KIAA2012: variants seen among roughly 807,000 people sequenced by gnomAD.
The protein encoded by KIAA2012 is KIAA2012.
A neutral mutation model predicts 150.6 loss-of-function variants in KIAA2012; 125 were observed. The observed-to-expected ratio is 0.83, with a 90% CI of 0.72 to 0.96. KIAA2012 has a LOEUF of 0.96. KIAA2012 is among the 40% of genes least tolerant of loss of function. The pLI is 0.00. For missense variants in KIAA2012, 1,219 were observed against 1,354.9 expected (o/e 0.90, Z 1.57); for synonymous variants, 462 against 504.7 (o/e 0.92, Z 1.13).
intron 15 of KIAA2012, among the ~76,000 whole-genome samples, chr2:202,181,808 T>TA (rs1476117930): frequency 6.6e-6 from 1 of 152,202 alleles, no homozygotes; most frequent in Non-Finnish European, 1.5e-5. Flanking sequence ...GTGCTGGCAC[T>TA]GGTTTAGGCA....
chr2:202,113,684 G>A, intron 11 of KIAA2012: 1 of 505,184 alleles, frequency 2.0e-6, no homozygotes, highest in South Asian at 2.3e-5. Context: ...CAGTGGAATG[G>A]CTTGGAAGAG....
intron 13 of KIAA2012, among the ~76,000 whole-genome samples, chr2:202,146,675 T>A (rs1691309577): frequency 6.7e-6 from 1 of 149,044 alleles, no homozygotes; most frequent in Non-Finnish European, 1.5e-5. Context: ...GGTGCATATC[T>A]GTAGTCCCAG....
intron 13 of KIAA2012, among the ~76,000 whole-genome samples, chr2:202,151,116 G>T (rs2105950586): frequency 6.6e-6 from 1 of 152,222 alleles, no homozygotes; most frequent in African/African-American, 2.4e-5. Flanking sequence ...AGACCACAGG[G>T]CCAGGCACGG....
In KIAA2012 at chr2:202,105,784, C is replaced by G. The variant is rs1232250082; in HGVS notation, c.1348C>G (p.Pro450Ala). 1.9e-6 allele frequency: 3 copies of G among 1,550,592 alleles called. No homozygotes were observed. Among genetic ancestry groups the G allele is most frequent in the Non-Finnish European group, 1.7e-6 (2 of 1,146,990 alleles). ...AGGTGCTCCACACCCTGAGTCAGAACCAGAAAGCAGCGAAGAATCCACACC... is the reference window on the plus strand; with the variant it reads ...AGGTGCTCCACACCCTGAGTCAGAAGCAGAAAGCAGCGAAGAATCCACACC... ...RRGAPHPESE[P>A]ESSEESTPVW... Residue 450 changes from proline to alanine, a missense_variant, in exon 9 of 24, where the codon CCA (proline) becomes GCA (alanine). Transcript: ENST00000498697.
chr2:202,150,877 T>C (rs1691413073), intron 13 of KIAA2012, among the ~76,000 whole-genome samples: 2 of 152,212 alleles, frequency 1.3e-5, no homozygotes, highest in Admixed American at 1.3e-4. Context: ...TTTTCTTCTC[T>C]CTCCTGTACC....
chr2:202,093,462 A>T (rs1689785607), intron 4 of KIAA2012, among the ~76,000 whole-genome samples: 3 of 152,188 alleles, frequency 2.0e-5, no homozygotes, highest in Admixed American at 2.0e-4. Context: ...TGAGCTTTTT[A>T]TTTTATATTA....
intron 15 of KIAA2012, among the ~76,000 whole-genome samples, chr2:202,183,482 T>TTC: frequency 6.8e-6 from 1 of 146,612 alleles, no homozygotes; most frequent in Non-Finnish European, 1.5e-5. Context: ...TTAAATTTTT[T>TTC]TTTTTTTTTT....
chr2:202,092,693 T>TA (rs1209247468), intron 3 of KIAA2012, among the ~76,000 whole-genome samples: 1 of 152,094 alleles, frequency 6.6e-6, no homozygotes, highest in Non-Finnish European at 1.5e-5. Flanking sequence ...GCAAATAGGA[T>TA]ACATCCACTA....
rs1284500701 is a variant in KIAA2012 at position 202,100,386 on chromosome 2, C to G, written c.1092C>G (p.Phe364Leu). 4 of 1,550,496 alleles carry G rather than the reference C, an allele frequency of 2.6e-6. No individual in the cohort carries two copies. In the Admixed American group the frequency reaches 5.9e-5, roughly 23 times the overall value. ...TGCTTCCTGCTGAAAGAAGCCTCTT[C>G]CCTCCTGTAGCATCTGCCACTGGCT... is the stretch of plus-strand genomic sequence containing the variant. ...LQVLPAERSL[F>L]PPVASATGSR... The change falls in exon 7 of 24, where the codon TTC becomes TTG. Residue 364 changes from phenylalanine (F) to leucine (L), a missense_variant. Transcript: ENST00000498697.
chr2:202,167,816 C>G (rs1691803447), intron 15 of KIAA2012, among the ~76,000 whole-genome samples: 2 of 151,850 alleles, frequency 1.3e-5, no homozygotes. Flanking sequence ...TGCACTCCAG[C>G]CTGGATGACA....
chr2:202,195,554 CTT>C (rs1692398106), intron 21 of KIAA2012, among the ~76,000 whole-genome samples: 1 of 151,904 alleles, frequency 6.6e-6, no homozygotes, highest in Non-Finnish European at 1.5e-5. Flanking sequence ...AAACTGCACT[CTT>C]ATAGCTATTT....
intron 18 of KIAA2012, among the ~76,000 whole-genome samples, chr2:202,189,060 T>C (rs1315263568): frequency 1.3e-5 from 2 of 152,200 alleles, no homozygotes; most frequent in Non-Finnish European, 1.5e-5. Context: ...TGAATTTACA[T>C]TTTTGTAGCC....
At chr2:202,082,568 C>T (rs1389811789) in intron 2 of KIAA2012, among the ~76,000 whole-genome samples, 1 of 149,974 alleles carries the variant, frequency 6.7e-6, no homozygotes, top group Non-Finnish European at 1.5e-5. Flanking sequence ...TGTACTCCAG[C>T]GTGGGTGACA....
chr2:202,196,546 G>C (rs1249526492), intron 21 of KIAA2012, among the ~76,000 whole-genome samples: 1 of 151,970 alleles, frequency 6.6e-6, no homozygotes, highest in Non-Finnish European at 1.5e-5. Context: ...CCCCAACCCA[G>C]CTTCATACCA....
chr2:202,135,085 C>A (rs1691033302), intron 12 of KIAA2012, among the ~76,000 whole-genome samples: 1 of 152,180 alleles, frequency 6.6e-6, no homozygotes, highest in East Asian at 1.9e-4. Context: ...CTAAAACTGC[C>A]TGATTATCTG....
At chr2:202,123,760 C>T (rs1690710365) in intron 11 of KIAA2012, among the ~76,000 whole-genome samples, 2 of 152,102 alleles carry the variant, frequency 1.3e-5, no homozygotes, top group South Asian at 4.1e-4. Context: ...TAAGTCTTTT[C>T]CGGTTTGAAT....
chr2:202,130,042 T>G (rs901823918), intron 12 of KIAA2012, among the ~76,000 whole-genome samples: 15 of 152,144 alleles, frequency 9.9e-5, no homozygotes, highest in Non-Finnish European at 2.2e-4. Flanking sequence ...AGAACATTGA[T>G]TTCTTTACAT....
intron 15 of KIAA2012, among the ~76,000 whole-genome samples, chr2:202,168,427 A>AG (rs1160165147): frequency 2.0e-5 from 3 of 151,486 alleles, no homozygotes; most frequent in Admixed American, 2.0e-4. Context: ...CAAAAAAAAA[A>AG]AAAAAAAGAA....
rs1026653708 is a variant in KIAA2012, at chr2:202,204,404, C to T, written c.*21-594C>T. Among the ~76,000 whole-genome samples the T allele has an allele frequency of 3.3e-5, 5 of 152,252 alleles. No individual in the cohort carries two copies. The Middle Eastern group carries it at 0.01, about 311-fold the overall frequency. ...GGATGAGACTTGATTAGATATTTAA[C>T]ATCTCTTTTAATATTTAATAAAATA... is the stretch of plus-strand genomic sequence containing the variant. On this transcript the variant is annotated intron_variant, in intron 23 of 23. Transcript: ENST00000498697.
Sources: gnomAD v4.1 joint callset for allele counts (sites outside exome capture counted in the v4.1 genomes callset) on GRCh38, gnomAD v4.1.1 for gene constraint, MANE v1.5 for transcripts, NCBI Gene and HGNC (gene_info 2026-07-23, HGNC 2026-07-21) for gene names.